PLEKHM2: variants seen among roughly 807,000 people sequenced by gnomAD.
PLEKHM2 encodes pleckstrin homology domain-containing family M member 2.
Under a neutral mutation model 116.3 loss-of-function variants are expected in PLEKHM2, and 77 were observed. The ratio of observed to expected loss-of-function variants is 0.66; its 90% confidence interval spans 0.55 to 0.80. The LOEUF is 0.80. Among genes scored for constraint, PLEKHM2 ranks in the 30% least tolerant of loss-of-function variants. The pLI is 0.00. For missense variants in PLEKHM2, 1,183 were observed against 1,354.9 expected, an observed-to-expected ratio of 0.87 and a Z score of 1.99; for synonymous variants, 562 against 571.0, an observed-to-expected ratio of 0.98 and a Z score of 0.22.
chr1:15,726,672 C>G (rs1054723764), intron 8 of PLEKHM2, among the ~76,000 whole-genome samples: 9 of 152,228 alleles, frequency 5.9e-5, no homozygotes, highest in African/African-American at 2.2e-4. Flanking sequence ...GGGGCATTGC[C>G]TGACCAGCCA....
At chr1:15,686,354 C>T (rs1334050062) in intron 1 of PLEKHM2, among the ~76,000 whole-genome samples, 1 of 152,178 alleles carries the variant, frequency 6.6e-6, no homozygotes, top group African/African-American at 2.4e-5. Context: ...TGATTGAATC[C>T]CCGCCCTGCC....
intron 1 of PLEKHM2, among the ~76,000 whole-genome samples, chr1:15,687,425 C>A (rs548953804): frequency 4.6e-5 from 7 of 151,280 alleles, no homozygotes; most frequent in Admixed American, 1.3e-4. Context: ...CCGCTCACCT[C>A]GGCCTCCCAA....
rs1345059275 is a variant in PLEKHM2, at chr1:15,719,959, T to C, written c.652+39T>C. On this transcript the variant is annotated intron_variant, in intron 6 of 19. Coordinates refer to ENST00000375799, the MANE Select transcript of PLEKHM2 (RefSeq NM_015164.4). This position sits in a 1 kb window ranked among gnomAD's most constrained non-coding sequence, Gnocchi z 4.1. The stretch of plus-strand genomic sequence containing the variant: ...GGGCAGAAAAGCTAAGCCCCTGTTG[T>C]GAAACAGACTTGAACTGCTTAAGCC... The C allele has an allele frequency of 1.9e-6, 3 of 1,539,330 alleles. No individual in the cohort carries two copies. The highest frequency in any genetic ancestry group is 2.7e-6 in the Non-Finnish European group (3 of 1,124,490).
rs2148374309 is a variant in PLEKHM2, at chr1:15,728,425, C to T, written c.1921+68C>T. On this transcript the variant is annotated intron_variant, in intron 11 of 19. Transcript: ENST00000375799. The surrounding 1 kb of genome is among the most constrained non-coding windows in gnomAD (Gnocchi z 5.9). ...TGACTCTCAGCCCCTTTTCCCCAGTCCCCTTGCCCTCTGAGTGCCTCCCGG... is the reference window on the plus strand; with the variant it reads ...TGACTCTCAGCCCCTTTTCCCCAGTTCCCTTGCCCTCTGAGTGCCTCCCGG... 5 of 1,416,468 alleles carry T rather than the reference C, an allele frequency of 3.5e-6. No individual in the cohort carries two copies. The highest frequency in any genetic ancestry group is 4.9e-6 in the Non-Finnish European group (5 of 1,023,176). The allele number at this position is 1,416,468 out of a possible 1,614,324, so 87.7% of individuals were successfully genotyped here.
chr1:15,685,954 T>A (rs1178980402), intron 1 of PLEKHM2, among the ~76,000 whole-genome samples: 1 of 152,194 alleles, frequency 6.6e-6, no homozygotes, highest in Non-Finnish European at 1.5e-5. Flanking sequence ...TCTTTCCTAA[T>A]GGAAGAGAAA....
intron 2 of PLEKHM2, 135 bp from the exon 3 acceptor site, chr1:15,716,572 A>T (rs963515458): frequency 4.9e-5 from 39 of 797,274 alleles, no homozygotes; most frequent in Non-Finnish European, 7.8e-5. Flanking sequence ...TGATGGTGTG[A>T]AGGTGTGCTG....
Position 15,730,527 on chromosome 1 carries a change from A to T in PLEKHM2, c.2209-5A>T. 1 of 1,563,826 alleles carries T rather than the reference A, an allele frequency of 6.4e-7. No individual in the cohort carries two copies. Among genetic ancestry groups the T allele is most frequent in the Non-Finnish European group, 8.7e-7 (1 of 1,153,726 alleles). ...CTTTGTCCCCCGTGCCCGCCCCCGC[A>T]TCAGGCATCTGCTGTCACCGTGCGC... is the stretch of plus-strand genomic sequence containing the variant. On this transcript the variant is annotated splice_region_variant and splice_polypyrimidine_tract_variant and intron_variant, in intron 14 of 19. Coordinates refer to ENST00000375799, the MANE Select transcript of PLEKHM2 (RefSeq NM_015164.4).
upstream of PLEKHM2, chr1:15,681,522 C>A: frequency 2.1e-6 from 1 of 467,268 alleles, no homozygotes; most frequent in South Asian, 1.5e-5. Context: ...ACGCAGTGCT[C>A]AGCAGAAGAT....
At chr1:15,694,335 C>T (rs900542667) in intron 1 of PLEKHM2, among the ~76,000 whole-genome samples, 7 of 151,408 alleles carry the variant, frequency 4.6e-5, no homozygotes, top group East Asian at 1.9e-4. Flanking sequence ...AGCGACAGAG[C>T]GAGACTCCAT....
chr1:15,692,232 T>G (rs1409471604), intron 1 of PLEKHM2, among the ~76,000 whole-genome samples: 1 of 152,196 alleles, frequency 6.6e-6, no homozygotes, highest in Non-Finnish European at 1.5e-5. Flanking sequence ...TCTCTGTGGC[T>G]TTACAGAAAA....
In PLEKHM2 at chr1:15,718,553, C is replaced by T; in HGVS notation, c.393C>T (p.Cys131=). Residue 131 remains cysteine (C), a synonymous_variant, in exon 5 of 20, where the codon TGC becomes TGT. Coordinates refer to ENST00000375799, the MANE Select transcript of PLEKHM2 (RefSeq NM_015164.4). ...TGTCTTGCAGGAATGCCCTGGTCTG[C>T]AGCCACGATCACCTGACGCTCTTCC... ...HKYYVKNALV[C]SHDHLTLFLT... is the part of the protein sequence containing the mutation. 6.4e-7 allele frequency: 1 copy of T among 1,573,120 alleles called. No individual in the cohort carries two copies. The highest frequency in any genetic ancestry group is 1.3e-5 in the African/African-American group (1 of 74,192).
intron 1 of PLEKHM2, among the ~76,000 whole-genome samples, chr1:15,705,170 C>CTTT (rs71306988): frequency 2.0e-4 from 15 of 74,072 alleles, no homozygotes; most frequent in Non-Finnish European, 2.5e-4. Flanking sequence ...ACGTAGATAT[C>CTTT]TTTTTTTTTT....
intron 1 of PLEKHM2, among the ~76,000 whole-genome samples, chr1:15,708,144 C>G (rs1204376171): frequency 6.6e-6 from 1 of 152,040 alleles, no homozygotes; most frequent in Non-Finnish European, 1.5e-5. Flanking sequence ...CTCGGCCTCC[C>G]AAAGTGCTGG....
intron 1 of PLEKHM2, 33 bp downstream of exon 1, chr1:15,684,651 T>C (rs1296518135): frequency 3.4e-6 from 4 of 1,176,112 alleles, no homozygotes; most frequent in Non-Finnish European, 4.3e-6. Context: ...CCGGGGCCCC[T>C]TCCTCGCCGC....
At chr1:15,683,484 C>T (rs1157568478), upstream of PLEKHM2, among the ~76,000 whole-genome samples, 1 of 149,180 alleles carries the variant, frequency 6.7e-6, no homozygotes, top group Non-Finnish European at 1.5e-5. Flanking sequence ...TGTCTCGAGT[C>T]TCTGAGGAGG....
chr1:15,706,757 C>T (rs1208328949), intron 1 of PLEKHM2, among the ~76,000 whole-genome samples: 1 of 152,032 alleles, frequency 6.6e-6, no homozygotes, highest in Non-Finnish European at 1.5e-5. Flanking sequence ...AACAGATTTC[C>T]ACACCCTGCT....
intron 7 of PLEKHM2, among the ~76,000 whole-genome samples, chr1:15,722,356 C>G (rs1251847019): frequency 2.6e-5 from 4 of 152,184 alleles, no homozygotes; most frequent in African/African-American, 9.7e-5. Flanking sequence ...GTTGGCCAGG[C>G]TGGTCTCAAA....
intron 2 of PLEKHM2, among the ~76,000 whole-genome samples, 157 bp from the exon 3 acceptor site, chr1:15,716,550 C>T (rs1292059694): frequency 6.6e-6 from 1 of 152,132 alleles, no homozygotes; most frequent in African/African-American, 2.4e-5. Context: ...GGAGGATTTG[C>T]CACAAATGAT....
Position 15,728,192 on chromosome 1 carries a change from A to G in PLEKHM2, c.1830+44A>G, listed in dbSNP as rs534173339. ...GGAGTGAGCAAGAGACGGCAAGGGCAAGGCGGGATGGGCCACCGCCCCCGC... is the reference window on the plus strand; with the variant it reads ...GGAGTGAGCAAGAGACGGCAAGGGCGAGGCGGGATGGGCCACCGCCCCCGC... On this transcript the variant is annotated intron_variant, in intron 10 of 19. Transcript: ENST00000375799. This position sits in a 1 kb window ranked among gnomAD's most constrained non-coding sequence, Gnocchi z 5.9. 10 of 1,604,698 alleles carry G rather than the reference A, an allele frequency of 6.2e-6. No homozygotes were observed. Among genetic ancestry groups the G allele is most frequent in the Non-Finnish European group, 8.5e-6 (10 of 1,172,770 alleles).
Sources: allele counts gnomAD v4.1 joint callset (sites outside exome capture counted in the v4.1 genomes callset), GRCh38; gene constraint gnomAD v4.1.1; non-coding constraint Gnocchi (gnomAD v3.1); transcripts MANE v1.5; gene names NCBI Gene and HGNC (gene_info 2026-07-23, HGNC 2026-07-21).